The following NRG1 variants were observed in gnomAD, a reference collection of about 807,000 sequenced individuals.
NRG1 encodes neuregulin 1, also known as pro-neuregulin-1, membrane-bound isoform.
A neutral mutation model predicts 63.8 loss-of-function variants in NRG1; 18 were observed. The ratio of observed to expected loss-of-function variants is 0.28; its 90% CI spans 0.19 to 0.42. NRG1 has a LOEUF of 0.42. NRG1 is among the 10% of genes least tolerant of loss of function. NRG1 has a pLI of 1.00. For missense variants in NRG1, 762 were observed against 814.7 expected, an observed-to-expected ratio of 0.94 and a Z score of 0.79; for synonymous variants, 302 against 301.3, an observed-to-expected ratio of 1.00 and a Z score of -0.02.
At chr8:32,113,741 G>A (rs745884952) in intron 1 of NRG1, among the ~76,000 whole-genome samples, 18 of 152,154 alleles carry the variant, frequency 1.2e-4, no homozygotes, top group Admixed American at 6.6e-4. Context: ...GGTCAAGACC[G>A]GTAGTTTAGA....
chr8:32,727,894 C>T, intron 5 of NRG1, 55 bp from the exon 6 acceptor site: 2 of 1,573,004 alleles, frequency 1.3e-6, no homozygotes, highest in South Asian at 1.1e-5. Context: ...TTAAAGGCTG[C>T]TTAGAAGGGG....
At chr8:32,328,002 T>G (rs1278577729) in intron 1 of NRG1, among the ~76,000 whole-genome samples, 1 of 152,178 alleles carries the variant, frequency 6.6e-6, no homozygotes, top group East Asian at 1.9e-4. Context: ...TCTCTTCAAA[T>G]CTTTAATGTG....
chr8:31,959,794 ATTAT>A (rs202231999), intron 1 of NRG1, among the ~76,000 whole-genome samples: 1,954 of 122,268 alleles, frequency 0.016, 69 homozygotes, highest in East Asian at 0.14. Flanking sequence ...TTATTTATTT[ATTAT>A]TTATTTATTT....
intron 1 of NRG1, among the ~76,000 whole-genome samples, chr8:32,456,333 C>A (rs971165712): frequency 1.3e-5 from 2 of 152,166 alleles, no homozygotes; most frequent in African/African-American, 4.8e-5. Context: ...TGTTCTCTTT[C>A]TTTCACAAGC....
chr8:32,102,074 A>C (rs542319758), intron 1 of NRG1, among the ~76,000 whole-genome samples: 7 of 152,288 alleles, frequency 4.6e-5, no homozygotes, highest in Non-Finnish European at 8.8e-5. Context: ...TTCCTTTCAT[A>C]AGAAGAGTTG....
At chr8:31,795,851 T>C (rs1821151818) in intron 1 of NRG1, among the ~76,000 whole-genome samples, 1 of 152,210 alleles carries the variant, frequency 6.6e-6, no homozygotes, top group South Asian at 2.1e-4. Context: ...GCAGATTTAA[T>C]GATTAAAATA....
intron 1 of NRG1, among the ~76,000 whole-genome samples, chr8:31,894,771 C>T (rs970548111): frequency 1.3e-5 from 2 of 151,976 alleles, no homozygotes; most frequent in Non-Finnish European, 2.9e-5. Flanking sequence ...GGGATGGTCT[C>T]GATCTCCTGA....
At chr8:31,790,372 G>T (rs1316325416) in intron 1 of NRG1, among the ~76,000 whole-genome samples, 4 of 152,150 alleles carry the variant, frequency 2.6e-5, no homozygotes, top group African/African-American at 9.7e-5. Flanking sequence ...TGGCTTGTTA[G>T]ATTTGGGCTC....
At chr8:32,317,827 T>C (rs1800317869) in intron 1 of NRG1, among the ~76,000 whole-genome samples, 1 of 152,210 alleles carries the variant, frequency 6.6e-6, no homozygotes, top group Admixed American at 6.5e-5. Context: ...GTGACATTTT[T>C]GGCTGTATTC....
chr8:31,689,972 A>G (rs1371148001), intron 1 of NRG1, among the ~76,000 whole-genome samples: 1 of 152,174 alleles, frequency 6.6e-6, no homozygotes, highest in Non-Finnish European at 1.5e-5. Flanking sequence ...TCCAAATCTC[A>G]TCTTGAATTG....
At chr8:32,171,227 T>C (rs1839995908) in intron 1 of NRG1, among the ~76,000 whole-genome samples, 1 of 152,236 alleles carries the variant, frequency 6.6e-6, no homozygotes, top group Non-Finnish European at 1.5e-5. Context: ...CAGCAAATTA[T>C]ACTTAATTAT....
chr8:32,357,675 G>A (rs551051152), intron 1 of NRG1, among the ~76,000 whole-genome samples: 30 of 152,190 alleles, frequency 2.0e-4, no homozygotes, highest in African/African-American at 7.2e-4. Context: ...TGTAAAATGT[G>A]TTAATTCGCT....
At chr8:31,772,914 A>C (rs1818768865) in intron 1 of NRG1, among the ~76,000 whole-genome samples, 1 of 152,130 alleles carries the variant, frequency 6.6e-6, no homozygotes, top group Non-Finnish European at 1.5e-5. Flanking sequence ...ATCTCTATAA[A>C]ATGTAATCTC....
At chr8:32,221,927 A>G (rs1327884678) in intron 1 of NRG1, among the ~76,000 whole-genome samples, 1 of 151,978 alleles carries the variant, frequency 6.6e-6, no homozygotes, top group Non-Finnish European at 1.5e-5. Flanking sequence ...ACAATTCTTT[A>G]CTTGTCTGTC....
chr8:32,494,583 C>T (rs1413204792), intron 1 of NRG1, among the ~76,000 whole-genome samples: 1 of 151,928 alleles, frequency 6.6e-6, no homozygotes, highest in African/African-American at 2.4e-5. Context: ...TGATAAGAAG[C>T]CCAAATTACC....
At chr8:31,936,314 T>C (rs936506137) in intron 1 of NRG1, among the ~76,000 whole-genome samples, 2 of 152,200 alleles carry the variant, frequency 1.3e-5, no homozygotes, top group African/African-American at 4.8e-5. Context: ...ACATATTTCA[T>C]AAGTTTTTTG....
At chr8:31,784,058 A>G (rs1819952179) in intron 1 of NRG1, among the ~76,000 whole-genome samples, 1 of 152,144 alleles carries the variant, frequency 6.6e-6, no homozygotes, top group Non-Finnish European at 1.5e-5. Flanking sequence ...TGAGTTGTAG[A>G]ATTGGGACTC....
chr8:31,929,848 T>C (rs1379156333), intron 1 of NRG1, among the ~76,000 whole-genome samples: 2 of 152,250 alleles, frequency 1.3e-5, no homozygotes, highest in Non-Finnish European at 2.9e-5. Flanking sequence ...CTTCTCATTG[T>C]TATTTACTGG....
At chr8:31,946,062 A>T (rs1702562874) in intron 1 of NRG1, among the ~76,000 whole-genome samples, 1 of 152,134 alleles carries the variant, frequency 6.6e-6, no homozygotes, top group African/African-American at 2.4e-5. Context: ...CTAGTGTTTC[A>T]TTCACTTCCC....
Sources: allele counts gnomAD v4.1 joint callset (sites outside exome capture counted in the v4.1 genomes callset), GRCh38; gene constraint gnomAD v4.1.1; transcripts MANE v1.5; gene names NCBI Gene and HGNC (gene_info 2026-07-23, HGNC 2026-07-21).